The following LDHC variants were observed in gnomAD, a reference collection of about 807,000 sequenced individuals.
The protein encoded by LDHC is L-lactate dehydrogenase C chain.
LDHC carries 20 observed loss-of-function variants against 30.2 expected under a neutral mutation model. That is an observed-to-expected ratio of 0.66 (90% CI 0.47 to 0.96). The LOEUF (loss-of-function observed/expected upper bound fraction) is 0.96. Ranked by LOEUF, LDHC falls within the 40% of genes least tolerant of loss-of-function variation. The probability of loss-of-function intolerance (pLI) is 0.00; values close to 1 mark genes in which losing one functional copy is unlikely to be tolerated. For synonymous variants in LDHC, 139 were observed against 132.7 expected, an observed-to-expected ratio of 1.05 and a Z score of -0.32; for missense variants, 362 against 394.9, an observed-to-expected ratio of 0.92 and a Z score of 0.71.
intron 6 of LDHC, among the ~76,000 whole-genome samples, chr11:18,441,520 G>A (rs757434369): frequency 4.3e-4 from 65 of 151,372 alleles, no homozygotes; most frequent in Non-Finnish European, 7.5e-4. Flanking sequence ...TGTTGGCCAG[G>A]AGTCTTAATC....
intron 4 of LDHC, among the ~76,000 whole-genome samples, chr11:18,432,224 A>G (rs901221425): frequency 2.6e-5 from 4 of 152,206 alleles, no homozygotes; most frequent in Non-Finnish European, 2.9e-5. Context: ...TTTTGACTCA[A>G]TGCTCATTCA....
rs557136321 is a variant in LDHC at position 18,449,428 on chromosome 11, T to TA, written c.835-1502dup. On this transcript the variant is annotated intron_variant, in intron 7 of 7. Coordinates refer to ENST00000541669, the MANE Select transcript of LDHC (RefSeq NM_017448.5). ...GGTGACACAGCGAGACACTGTCTCC[T>TA]AAAAAAAAAAAAAAAAAAAAAAAAA... Among the ~76,000 whole-genome samples, 378 of 48,434 alleles carry TA rather than the reference T, an allele frequency of 7.8e-3. 22 individuals carry two copies. Among genetic ancestry groups the TA allele is most frequent in the African/African-American group, 9.0e-3 (108 of 12,006 alleles). 31.8% of individuals were successfully genotyped at this position (48,434 alleles called of 152,430 possible).
intron 7 of LDHC, among the ~76,000 whole-genome samples, chr11:18,447,769 G>A (rs1007445683): frequency 1.3e-5 from 2 of 151,992 alleles, no homozygotes; most frequent in African/African-American, 4.8e-5. Flanking sequence ...GGAAGAACGG[G>A]GCAGGTGCAG....
intron 4 of LDHC, 56 bp from the exon 5 acceptor site, chr11:18,434,684 A>C: frequency 1.8e-6 from 2 of 1,126,018 alleles, no homozygotes; most frequent in South Asian, 2.7e-5. Context: ...TCAGGAAAAA[A>C]AAAATTTTTT....
chr11:18,412,969 C>A, intron 2 of LDHC, 126 bp downstream of exon 2: 1 of 426,360 alleles, frequency 2.3e-6, no homozygotes, highest in Admixed American at 4.5e-5. Context: ...GACCTTTCCT[C>A]CCTCCCTCCC....
intron 3 of LDHC, 109 bp downstream of exon 3, chr11:18,415,410 G>A (rs1000785836): frequency 1.5e-5 from 9 of 605,708 alleles, no homozygotes; most frequent in Non-Finnish European, 2.6e-5. Context: ...ATGCCATTGG[G>A]CCATATAATT....
At chr11:18,441,063 T>C (rs1297881234) in intron 6 of LDHC, among the ~76,000 whole-genome samples, 1 of 151,850 alleles carries the variant, frequency 6.6e-6, no homozygotes, top group African/African-American at 2.4e-5. Context: ...GAATGCAAGA[T>C]TGCAATGAAC....
At position 18,422,392 on chromosome 11, in the gene LDHC, C is replaced by T. The variant is rs188320331; in HGVS notation, c.244+7091C>T. ...CAACATGGTGAGACCCCTGTCTCTACTAAAAATACAAAAATTAGCCAGGCG... is the reference window on the plus strand; with the variant it reads ...CAACATGGTGAGACCCCTGTCTCTATTAAAAATACAAAAATTAGCCAGGCG... On this transcript the variant is annotated intron_variant, in intron 3 of 7. Transcript: ENST00000541669. Among the ~76,000 whole-genome samples, 796 of 151,690 alleles carry T rather than the reference C, an allele frequency of 5.2e-3. 33 individuals carry two copies. The highest frequency in any genetic ancestry group is 0.048 in the Admixed American group (733 of 15,212).
chr11:18,438,428 C>A, intron 5 of LDHC, 100 bp from the exon 6 acceptor site: 1 of 721,286 alleles, frequency 1.4e-6, no homozygotes. Context: ...AACATCTGAA[C>A]CATATCAGGT....
chr11:18,441,018 T>C (rs1848455492), intron 6 of LDHC, among the ~76,000 whole-genome samples: 2 of 151,684 alleles, frequency 1.3e-5, no homozygotes, highest in Admixed American at 1.3e-4. Context: ...CTTAGCTACC[T>C]GGGAGATTGA....
chr11:18,450,913 C>G, intron 7 of LDHC, 50 bp from the exon 8 acceptor site: 1 of 1,377,474 alleles, frequency 7.3e-7, no homozygotes, highest in Non-Finnish European at 1.0e-6. Context: ...TTTTGCATAG[C>G]TGCTTTTCCA....
At chr11:18,430,405 C>T (rs986982869) in intron 4 of LDHC, among the ~76,000 whole-genome samples, 4 of 151,942 alleles carry the variant, frequency 2.6e-5, no homozygotes, top group South Asian at 2.1e-4. Flanking sequence ...GAGTGCAGGG[C>T]GTAATCTTGA....
At chr11:18,421,255 A>G (rs746257733) in intron 3 of LDHC, among the ~76,000 whole-genome samples, 69 of 151,728 alleles carry the variant, frequency 4.5e-4, no homozygotes, top group Non-Finnish European at 8.1e-4. Flanking sequence ...GGGTTTCACC[A>G]TGTTGGCCAG....
At chr11:18,444,604 G>A (rs1030718207) in intron 6 of LDHC, among the ~76,000 whole-genome samples, 51 of 89,366 alleles carry the variant, frequency 5.7e-4, no homozygotes, top group South Asian at 9.9e-4. Context: ...TGTTCAGGTG[G>A]TATATATATA....
Position 18,442,962 on chromosome 11 carries a change from A to G in LDHC, c.711-3248A>G, listed in dbSNP as rs189896054. 1.8e-3 allele frequency among the ~76,000 whole-genome samples: 274 copies of G among 152,166 alleles called. 1 individual carries two copies. Among genetic ancestry groups the G allele is most frequent in the African/African-American group, 6.0e-3 (248 of 41,526 alleles). On this transcript the variant is annotated intron_variant, in intron 6 of 7. Transcript: ENST00000541669. ...GTTTTTATATTTCTAAAGCAAATGT[A>G]TTTCTTTTTTTGGCCAAACTATTTC... is the stretch of plus-strand genomic sequence containing the variant.
In LDHC at chr11:18,438,617, A is replaced by G. The variant is rs1412928214; in HGVS notation, c.682A>G (p.Lys228Glu). ...AACGGATTCAGATAAGGAACACTGG[A>G]AAAATATCCATAAACAAGTTATTCA... The part of the protein sequence containing the change: ...LGTDSDKEHW[K>E]NIHKQVIQSA... Residue 228 changes from lysine (K) to glutamate (E), a missense_variant, in exon 6 of 8, where the codon AAA becomes GAA. By Grantham distance (56) the Lys-to-Glu change is moderately conservative. Transcript: ENST00000541669. 2 of 1,603,214 alleles carry G rather than the reference A, an allele frequency of 1.2e-6. No individual in the cohort carries two copies. Among genetic ancestry groups the G allele is most frequent in the Admixed American group, 3.3e-5 (2 of 59,978 alleles).
At chr11:18,442,124 C>T (rs73440604) in intron 6 of LDHC, among the ~76,000 whole-genome samples, 22,713 of 152,026 alleles carry the variant, frequency 0.15, 1,878 homozygotes, top group African/African-American at 0.21. Context: ...AATGCACTTC[C>T]TGTCACATAG....
chr11:18,420,055 C>T (rs1867089480), intron 3 of LDHC, among the ~76,000 whole-genome samples: 1 of 152,092 alleles, frequency 6.6e-6, no homozygotes, highest in Non-Finnish European at 1.5e-5. Context: ...GGCACCACTC[C>T]ACACTCCAGC....
In LDHC at chr11:18,446,271, G is replaced by A. The variant is rs1848553316; in HGVS notation, c.772G>A (p.Asp258Asn). 1 of 1,601,396 alleles carries A rather than the reference G, an allele frequency of 6.2e-7. No homozygotes were observed. Among genetic ancestry groups the A allele is most frequent in the Admixed American group, 1.7e-5 (1 of 59,978 alleles). Residue 258 changes from aspartate (D) to asparagine (N), a missense_variant, in exon 7 of 8, where the codon GAT (aspartate) becomes AAT (asparagine). Physicochemically the swap from Asp to Asn is conservative, Grantham distance 23 (BLOSUM62 1). Coordinates refer to ENST00000541669, the MANE Select transcript of LDHC (RefSeq NM_017448.5). ...TSWAIGLSVM[D>N]LVGSILKNLR... Reference sequence around the variant, plus strand: ...TTGGGCTATTGGACTGTCTGTGATGGATTTGGTAGGATCCATTTTGAAAAA... The same window carrying A: ...TTGGGCTATTGGACTGTCTGTGATGAATTTGGTAGGATCCATTTTGAAAAA...
Sources: gnomAD v4.1 joint callset for allele counts (sites outside exome capture counted in the v4.1 genomes callset) on GRCh38, gnomAD v4.1.1 for gene constraint, MANE v1.5 for transcripts, NCBI Gene and HGNC (gene_info 2026-07-23, HGNC 2026-07-21) for gene names.